Variants in CS observed in about 807,000 individuals in gnomAD.
The protein encoded by CS is citrate synthase, also known as citrate synthase, mitochondrial.
A neutral mutation model predicts 61.4 loss-of-function variants in CS; 13 were observed. The observed-to-expected ratio is 0.21, with a 90% CI of 0.14 to 0.34. The LOEUF is 0.34. CS is among the 10% of genes least tolerant of loss of function. The probability of loss-of-function intolerance (pLI) is 1.00; values close to 1 mark genes in which losing one functional copy is unlikely to be tolerated. For missense variants in CS, 278 were observed against 573.4 expected (o/e 0.48, Z 5.26); for synonymous variants, 159 against 215.2 (o/e 0.74, Z 2.29).
chr12:56,278,722 G>C (rs900158957), intron 6 of CS, among the ~76,000 whole-genome samples: 15 of 150,250 alleles, frequency 1.0e-4, no homozygotes, highest in African/African-American at 3.4e-4. Flanking sequence ...GAGCGACAGA[G>C]ACTCTGTCTC....
At chr12:56,274,742 G>T (rs758200783) in intron 9 of CS, 35 bp downstream of exon 9, 5 of 1,444,560 alleles carry the variant, frequency 3.5e-6, no homozygotes, top group Non-Finnish European at 4.7e-6. Flanking sequence ...CTTGTGTCTT[G>T]GTTTCTTTCC....
chr12:56,281,944 C>T (rs991144302), intron 6 of CS, among the ~76,000 whole-genome samples: 2 of 152,102 alleles, frequency 1.3e-5, no homozygotes, highest in African/African-American at 2.4e-5. Flanking sequence ...CTGAAACCTC[C>T]ACCTCCCAGG....
intron 1 of CS, chr12:56,291,240 TG>T: frequency 8.7e-7 from 1 of 1,149,256 alleles, no homozygotes; most frequent in Non-Finnish European, 1.1e-6. Flanking sequence ...CAGAACTTCC[TG>T]GGAGTTGGAT....
chr12:56,293,328 C>T (rs755599661), intron 1 of CS, among the ~76,000 whole-genome samples: 5 of 152,144 alleles, frequency 3.3e-5, no homozygotes, highest in Non-Finnish European at 7.4e-5. Context: ...AACATTAAAA[C>T]CTTGGGGGAG....
chr12:56,298,127 T>C (rs1366782238), intron 1 of CS, among the ~76,000 whole-genome samples: 2 of 152,108 alleles, frequency 1.3e-5, no homozygotes, highest in African/African-American at 4.8e-5. Context: ...GCCTCCCAAG[T>C]AGCTATGATT....
Position 56,282,611 on chromosome 12 carries a change from G to T in CS, c.400-3C>A. On this transcript the variant is annotated splice_region_variant and splice_polypyrimidine_tract_variant and intron_variant, in intron 5 of 10. Transcript: ENST00000351328. ...CACTCTTTTGAGAGCCAAGATACCT[G>T]TGGAAAAAGAGACAGTGCTCAGAAC... 1 of 1,599,990 alleles carries T rather than the reference G, an allele frequency of 6.3e-7. No homozygotes were observed. The highest frequency in any genetic ancestry group is 8.5e-7 in the Non-Finnish European group (1 of 1,173,698).
intron 1 of CS, among the ~76,000 whole-genome samples, chr12:56,295,951 CAAAAAAAAAAA>C (rs71081343): frequency 4.4e-4 from 18 of 40,506 alleles, no homozygotes; most frequent in South Asian, 3.3e-3. Context: ...GAAACTGTCT[CAAAAAAAAAAA>C]AAAAAAAAAA....
Position 56,276,106 on chromosome 12 carries a change from A to G in CS, c.678T>C (p.Gly226=). ...CCAGGTTAGAGTCAATGGCCCCAAT[A>G]CCGCTGCCTTCTCTGTAGAGATTTC... The part of the protein sequence containing the change: ...IYRNLYREGS[G]IGAIDSNLDW... The change falls in exon 7 of 11, where the codon GGT becomes GGC. Residue 226 remains glycine (G), a synonymous_variant. Transcript: ENST00000351328. 3 of 1,614,170 alleles carry G rather than the reference A, an allele frequency of 1.9e-6. No homozygotes were observed. The highest frequency in any genetic ancestry group is 2.5e-6 in the Non-Finnish European group (3 of 1,180,034).
At chr12:56,290,786 A>G (rs1873097440) in intron 1 of CS, among the ~76,000 whole-genome samples, 1 of 152,144 alleles carries the variant, frequency 6.6e-6, no homozygotes, top group Non-Finnish European at 1.5e-5. Context: ...ATGAACTACT[A>G]TTTCTCTTCC....
intron 1 of CS, among the ~76,000 whole-genome samples, chr12:56,288,136 C>T (rs1216930793): frequency 6.6e-6 from 1 of 152,146 alleles, no homozygotes; most frequent in Non-Finnish European, 1.5e-5. Context: ...ACAGAATAGT[C>T]CCATGATAAC....
At chr12:56,290,868 A>G (rs1873100138) in intron 1 of CS, among the ~76,000 whole-genome samples, 1 of 151,582 alleles carries the variant, frequency 6.6e-6, no homozygotes, top group Non-Finnish European at 1.5e-5. Flanking sequence ...ATAAGGACGT[A>G]TATGCAAAAG....
At chr12:56,277,278 T>C (rs1237444457) in intron 6 of CS, among the ~76,000 whole-genome samples, 1 of 148,912 alleles carries the variant, frequency 6.7e-6, no homozygotes, top group Admixed American at 6.8e-5. Context: ...GGCAGGCAGA[T>C]CATGAGGTCA....
intron 1 of CS, among the ~76,000 whole-genome samples, chr12:56,295,976 AAAAAAG>A (rs1873293035): frequency 1.3e-5 from 2 of 150,870 alleles, no homozygotes; most frequent in African/African-American, 4.9e-5. Context: ...AAAAAAAAAA[AAAAAAG>A]AAGTTCTTAC....
At position 56,271,977 on chromosome 12, in the gene CS, G is replaced by T; in HGVS notation, c.*1107C>A. The T allele has an allele frequency of 2.3e-6, 1 of 438,592 alleles. No individual in the cohort carries two copies. Among genetic ancestry groups the T allele is most frequent in the South Asian group, 1.6e-5 (1 of 61,838 alleles). 27.2% of individuals were successfully genotyped at this position (438,592 alleles called of 1,614,324 possible). On this transcript the variant is annotated 3_prime_UTR_variant, in exon 11 of 11. Coordinates refer to ENST00000351328, the MANE Select transcript of CS (RefSeq NM_004077.3). ...GAAACATTGTACTGTGAGCTCTCAG[G>T]GAAAGGGAGGAAAAAGATGTTGATA...
intron 6 of CS, among the ~76,000 whole-genome samples, chr12:56,279,823 C>A (rs1461706419): frequency 6.7e-6 from 1 of 149,594 alleles, no homozygotes; most frequent in Admixed American, 6.7e-5. Context: ...CAAAAATTAG[C>A]CAGGCGTGGT....
rs532112421 is a variant in CS at position 56,293,125 on chromosome 12, A to G, written c.43-6480T>C. On this transcript the variant is annotated intron_variant, in intron 1 of 10. Coordinates refer to ENST00000351328, the MANE Select transcript of CS (RefSeq NM_004077.3). ...TGTCTCAAAAAACAAAACAAAACAAAAAAAGCCCACTTACTCAATATAGGT... is the reference window on the plus strand; with the variant it reads ...TGTCTCAAAAAACAAAACAAAACAAGAAAAGCCCACTTACTCAATATAGGT... Among the ~76,000 whole-genome samples the G allele has an allele frequency of 4.5e-4, 69 of 152,014 alleles. 1 individual carries two copies. The highest frequency in any genetic ancestry group is 9.2e-4 in the Admixed American group (14 of 15,252).
At chr12:56,274,214 G>A (rs1167506509) in intron 9 of CS, 18 of 209,202 alleles carry the variant, frequency 8.6e-5, no homozygotes, top group Non-Finnish European at 1.9e-5. Context: ...CCAGCTACTC[G>A]AGAGGATGAG....
At chr12:56,287,738 T>C (rs1477534314) in intron 1 of CS, among the ~76,000 whole-genome samples, 1 of 152,102 alleles carries the variant, frequency 6.6e-6, no homozygotes, top group Non-Finnish European at 1.5e-5. Flanking sequence ...CACCGCAACC[T>C]CAGCCTTCTG....
rs777665108 is a variant in CS, at chr12:56,283,006, G to C, written c.268-15C>G. The C allele has an allele frequency of 4.3e-6, 7 of 1,613,820 alleles. No individual in the cohort carries two copies. Among genetic ancestry groups the C allele is most frequent in the Non-Finnish European group, 5.9e-6 (7 of 1,179,846 alleles). Reference sequence around the variant, plus strand: ...AAACGGATGCCCTTGAGAGAGGAGAGAGAGAATTACAACTCAAGTTTATAG... The same window carrying C: ...AAACGGATGCCCTTGAGAGAGGAGACAGAGAATTACAACTCAAGTTTATAG... On this transcript the variant is annotated splice_polypyrimidine_tract_variant and intron_variant, in intron 4 of 10. Transcript: ENST00000351328.
Sources: allele counts gnomAD v4.1 joint callset (sites outside exome capture counted in the v4.1 genomes callset), GRCh38; gene constraint gnomAD v4.1.1; transcripts MANE v1.5; gene names NCBI Gene and HGNC (gene_info 2026-07-23, HGNC 2026-07-21).